Variants in SEC23A observed in about 807,000 individuals in gnomAD.
SEC23A encodes protein transport protein Sec23A.
A neutral mutation model predicts 103.7 loss-of-function variants in SEC23A; 56 were observed. The observed-to-expected ratio is 0.54, with a 90% CI of 0.44 to 0.67. The LOEUF (loss-of-function observed/expected upper bound fraction) is 0.67. SEC23A is among the 30% of genes least tolerant of loss of function. SEC23A has a pLI of 0.00. For missense variants in SEC23A, 784 were observed against 936.4 expected, an observed-to-expected ratio of 0.84 and a Z score of 2.12; for synonymous variants, 281 against 293.0, an observed-to-expected ratio of 0.96 and a Z score of 0.42.
At chr14:39,070,172 G>T (rs1047260159) in intron 9 of SEC23A, among the ~76,000 whole-genome samples, 8 of 152,242 alleles carry the variant, frequency 5.3e-5, no homozygotes, top group Non-Finnish European at 8.8e-5. Context: ...TGCGGGCAAA[G>T]ATTTTTACGT....
rs1490947790 is a variant in SEC23A, at chr14:39,057,349, A to T, written c.1506-2053T>A. Among the ~76,000 whole-genome samples, 6 of 151,760 alleles carry T rather than the reference A, an allele frequency of 4.0e-5. 1 individual carries two copies. The highest frequency in any genetic ancestry group is 9.7e-5 in the African/African-American group (4 of 41,326). ...AAAGTCATAAAATAAGGAAGTTTTT[A>T]AAAAACAGAGATTTTTTTAAGAGAC... On this transcript the variant is annotated intron_variant, in intron 13 of 19. Transcript: ENST00000307712.
intron 5 of SEC23A, among the ~76,000 whole-genome samples, chr14:39,089,033 G>C (rs1201494860): frequency 6.6e-6 from 1 of 151,442 alleles, no homozygotes; most frequent in South Asian, 2.1e-4. Flanking sequence ...AATTAGCCGG[G>C]TGTGGTGGCA....
intron 9 of SEC23A, 40 bp from the exon 10 acceptor site, chr14:39,067,336 T>C: frequency 6.2e-7 from 1 of 1,610,600 alleles, no homozygotes; most frequent in Admixed American, 1.7e-5. Flanking sequence ...CTTGACACAG[T>C]TACTGAGTCC....
At position 39,081,430 on chromosome 14, in the gene SEC23A, A is replaced by G. The variant is rs543636756; in HGVS notation, c.828+4332T>C. Reference sequence around the variant, plus strand: ...TTACTAGAAGATACAAATAAAACTTACAGCAAAGAATAACATAATCACACT... The same window carrying G: ...TTACTAGAAGATACAAATAAAACTTGCAGCAAAGAATAACATAATCACACT... On this transcript the variant is annotated intron_variant, in intron 7 of 19. Transcript: ENST00000307712. Among the ~76,000 whole-genome samples, 5 of 152,388 alleles carry G rather than the reference A, an allele frequency of 3.3e-5. No individual in the cohort carries two copies. In the South Asian group the frequency reaches 8.3e-4, roughly 25 times the overall value.
chr14:39,083,599 G>A (rs1452817331), intron 7 of SEC23A, among the ~76,000 whole-genome samples: 1 of 120,190 alleles, frequency 8.3e-6, no homozygotes, highest in Non-Finnish European at 1.7e-5. Flanking sequence ...GTCTCGCTCT[G>A]TCACCCAGAC....
chr14:39,052,995 C>A (rs1463912934), intron 14 of SEC23A, among the ~76,000 whole-genome samples: 1 of 152,078 alleles, frequency 6.6e-6, no homozygotes, highest in African/African-American at 2.4e-5. Flanking sequence ...AATTAGCCAG[C>A]ATGGTGGTGT....
intron 19 of SEC23A, among the ~76,000 whole-genome samples, chr14:39,036,730 C>G (rs1386476767): frequency 1.3e-5 from 2 of 152,150 alleles, no homozygotes; most frequent in South Asian, 4.1e-4. Flanking sequence ...TGCTTGGTCT[C>G]CAAATAAGTT....
intron 8 of SEC23A, among the ~76,000 whole-genome samples, chr14:39,075,064 G>T (rs1886969185): frequency 1.3e-5 from 2 of 152,116 alleles, no homozygotes; most frequent in African/African-American, 4.8e-5. Context: ...TGGAGATCAT[G>T]CCATTGTACT....
intron 13 of SEC23A, among the ~76,000 whole-genome samples, chr14:39,059,343 G>C (rs1300058787): frequency 7.2e-6 from 1 of 139,492 alleles, no homozygotes; most frequent in Non-Finnish European, 1.5e-5. Flanking sequence ...GAAATGGTTG[G>C]GATAAGTTAA....
At chr14:39,072,342 A>G (rs1396456222) in intron 9 of SEC23A, among the ~76,000 whole-genome samples, 1 of 152,242 alleles carries the variant, frequency 6.6e-6, no homozygotes. Flanking sequence ...AATAAAAAGA[A>G]AATCAATAGC....
rs144102605 is a variant in SEC23A at position 39,079,914 on chromosome 14, C to A, written c.829-3821G>T. On this transcript the variant is annotated intron_variant, in intron 7 of 19. Transcript: ENST00000307712. Reference sequence around the variant, plus strand: ...GTTGTCTTCTACTTATTTGTATATACCATTGCATATTGTTTGAATGTTTTC... The same window carrying A: ...GTTGTCTTCTACTTATTTGTATATAACATTGCATATTGTTTGAATGTTTTC... Among the ~76,000 whole-genome samples, 1,337 of 152,198 alleles carry A rather than the reference C, an allele frequency of 8.8e-3. 22 individuals are homozygous for A. The highest frequency in any genetic ancestry group is 0.031 in the African/African-American group (1,268 of 41,524).
At chr14:39,073,601 C>T (rs1886911268) in intron 9 of SEC23A, among the ~76,000 whole-genome samples, 2 of 135,404 alleles carry the variant, frequency 1.5e-5, no homozygotes, top group African/African-American at 2.7e-5. Flanking sequence ...GCTCTGATTC[C>T]TCTTTTTTTT....
chr14:39,077,308 C>A (rs954643738), intron 7 of SEC23A, among the ~76,000 whole-genome samples: 14 of 149,724 alleles, frequency 9.4e-5, no homozygotes, highest in African/African-American at 3.2e-4. Context: ...CTTTCAGAGG[C>A]CGAAGCGGGT....
intron 5 of SEC23A, among the ~76,000 whole-genome samples, chr14:39,089,177 A>G (rs956885647): frequency 6.6e-6 from 1 of 151,268 alleles, no homozygotes; most frequent in South Asian, 2.1e-4. Context: ...AAAAAAAAAA[A>G]AAAAAGAAAA....
At chr14:39,045,802 T>C (rs1446161255) in intron 15 of SEC23A, among the ~76,000 whole-genome samples, 1 of 152,282 alleles carries the variant, frequency 6.6e-6, no homozygotes, top group African/African-American at 2.4e-5. Flanking sequence ...ACCATATCTT[T>C]GGGCTTTTTT....
At chr14:39,045,110 A>C (rs1323142554) in intron 16 of SEC23A, 53 bp downstream of exon 16, 1 of 1,514,534 alleles carries the variant, frequency 6.6e-7, no homozygotes, top group Non-Finnish European at 9.2e-7. Flanking sequence ...TCACTTTTTT[A>C]ATGCCACACA....
Position 39,068,481 on chromosome 14 carries a change from T to C in SEC23A, c.1104-1185A>G, listed in dbSNP as rs541355536. Among the ~76,000 whole-genome samples, 3 of 152,326 alleles carry C rather than the reference T, an allele frequency of 2.0e-5. 1 individual carries two copies. The East Asian group carries it at 5.8e-4, about 29-fold the overall frequency. ...AGCACTATTTGTAACAACAAAAGTT[T>C]TTTTCCTTTTTCCCTTGTGTTTGAA... is the stretch of plus-strand genomic sequence containing the variant. On this transcript the variant is annotated intron_variant, in intron 9 of 19. Transcript: ENST00000307712.
Position 39,055,232 on chromosome 14 carries a change from T to C in SEC23A, c.1570A>G (p.Ile524Val), listed in dbSNP as rs1886201417. Residue 524 changes from isoleucine to valine, a missense_variant, in exon 14 of 20, where the codon ATT becomes GTT. By Grantham distance (29) the Ile-to-Val change is conservative. Coordinates refer to ENST00000307712, the MANE Select transcript of SEC23A (RefSeq NM_006364.4). ...TATATTGCTAGCCGGGCCATAAGAA[T>C]GGCAGCTGCCTCCTGGTCAAAAGAT... ...AASFDQEAAAILMARLAIYRA... is the reference protein window; with the variant it reads ...AASFDQEAAAVLMARLAIYRA... 6.2e-7 allele frequency: 1 copy of C among 1,614,070 alleles called. No individual in the cohort carries two copies. Among genetic ancestry groups the C allele is most frequent in the African/African-American group, 1.3e-5 (1 of 74,938 alleles).
At chr14:39,035,812 G>A (rs1479106047) in intron 19 of SEC23A, among the ~76,000 whole-genome samples, 2 of 152,152 alleles carry the variant, frequency 1.3e-5, no homozygotes, top group African/African-American at 2.4e-5. Flanking sequence ...TAATCTAACA[G>A]GAGCAATGCC....
Sources: allele counts gnomAD v4.1 joint callset (sites outside exome capture counted in the v4.1 genomes callset), GRCh38; gene constraint gnomAD v4.1.1; transcripts MANE v1.5; gene names NCBI Gene and HGNC (gene_info 2026-07-23, HGNC 2026-07-21).